Variants in RBM19 observed in about 807,000 individuals in gnomAD.
The protein encoded by RBM19 is RNA binding motif protein 19.
In RBM19, 94 loss-of-function variants were observed where a neutral mutation model predicts 116.8. The ratio of observed to expected loss-of-function variants is 0.80; its 90% CI spans 0.68 to 0.95. The LOEUF (loss-of-function observed/expected upper bound fraction) is 0.95. Among genes scored for constraint, RBM19 ranks in the 40% least tolerant of loss-of-function variants. The pLI is 0.00. For missense variants in RBM19, 1,161 were observed against 1,220.7 expected, an observed-to-expected ratio of 0.95 and a Z score of 0.73; for synonymous variants, 475 against 494.1, an observed-to-expected ratio of 0.96 and a Z score of 0.51.
intron 21 of RBM19, among the ~76,000 whole-genome samples, chr12:113,893,602 C>T (rs753058816): frequency 6.6e-6 from 1 of 152,146 alleles, no homozygotes; most frequent in Non-Finnish European, 1.5e-5. Flanking sequence ...CATAAGCAAC[C>T]CACCATTGAA....
intron 20 of RBM19, among the ~76,000 whole-genome samples, chr12:113,915,331 C>T (rs551937453): frequency 1.3e-4 from 20 of 152,232 alleles, no homozygotes; most frequent in South Asian, 4.2e-4. Context: ...TGAGAGACTC[C>T]GGGGCCACCA....
Position 113,823,245 on chromosome 12 carries a change from C to CTCGCTG in RBM19, c.2856_2861dup (p.Asp952_Ser953dup). The CTCGCTG allele has an allele frequency of 6.2e-7, 1 of 1,611,864 alleles. No homozygotes were observed. The highest frequency in any genetic ancestry group is 8.5e-7 in the Non-Finnish European group (1 of 1,180,020). On this transcript the variant is annotated inframe_insertion, in exon 24 of 24. Transcript: ENST00000261741. The stretch of plus-strand genomic sequence containing the variant: ...CAGCTCACAGCTGAAGGGTCTGCTC[C>CTCGCTG]TCGCTGTCGCTGTCACTGCCTTCCA...
chr12:113,860,733 C>T (rs945194115), intron 21 of RBM19, among the ~76,000 whole-genome samples: 9 of 152,138 alleles, frequency 5.9e-5, no homozygotes, highest in East Asian at 1.9e-4. Context: ...ACAGTGTCAC[C>T]GCTCACTGTG....
chr12:113,830,851 A>G (rs1593454807), intron 23 of RBM19, among the ~76,000 whole-genome samples: 1 of 152,290 alleles, frequency 6.6e-6, no homozygotes, highest in East Asian at 1.9e-4. Context: ...CCTGGGTTGG[A>G]AAGCAGAGGC....
chr12:113,857,770 A>G (rs1569072), intron 22 of RBM19, among the ~76,000 whole-genome samples: 98,512 of 152,206 alleles, frequency 0.65, 32,340 homozygotes, highest in East Asian at 0.97. Context: ...CACAAAGGCC[A>G]CAGCTGTGTC....
intron 21 of RBM19, among the ~76,000 whole-genome samples, chr12:113,902,979 G>A (rs914762964): frequency 1.3e-5 from 2 of 152,164 alleles, no homozygotes; most frequent in African/African-American, 4.8e-5. Flanking sequence ...ACAGAGCTGT[G>A]CAACCCTTGC....
downstream of RBM19, among the ~76,000 whole-genome samples, chr12:113,820,618 C>T (rs2135670459): frequency 6.6e-6 from 1 of 152,242 alleles, no homozygotes; most frequent in East Asian, 1.9e-4. Flanking sequence ...TGCACGAGGA[C>T]AGCTGAGCCG....
chr12:113,879,431 T>TATATATATA (rs1879928070), intron 21 of RBM19, among the ~76,000 whole-genome samples: 3 of 132,660 alleles, frequency 2.3e-5, no homozygotes, highest in Non-Finnish European at 3.2e-5. Flanking sequence ...TACATACATT[T>TATATATATA]TATATATATA....
chr12:113,937,042 T>A lies in RBM19; in HGVS notation c.2033A>T (p.Glu678Val), dbSNP rs777572670. 1 of 1,614,158 alleles carries A rather than the reference T, an allele frequency of 6.2e-7. No individual in the cohort carries two copies. The highest frequency in any genetic ancestry group is 1.1e-5 in the South Asian group (1 of 91,086). The change falls in exon 16 of 24, where the codon GAA (glutamate) becomes GTA (valine). Residue 678 changes from glutamate (E) to valine (V), a missense_variant. Glu to Val is a moderately radical substitution (Grantham distance 121). Transcript: ENST00000261741. ...CTCTGCTGGGTCCTTTTCCATGGGT[T>A]CTGAAGGTGTGTCTTGGAGCTTTTT... ...QKKKLQDTPS[E>V]PMEKDPAEPE...
intron 21 of RBM19, among the ~76,000 whole-genome samples, chr12:113,886,679 C>CTTTTGT (rs10622695): frequency 0.24 from 36,850 of 151,458 alleles, 4,532 homozygotes; most frequent in Admixed American, 0.34. Flanking sequence ...TTTGTTTTTG[C>CTTTTGT]TTTTGTTTTT....
At chr12:113,850,825 C>T (rs1033362016) in intron 22 of RBM19, among the ~76,000 whole-genome samples, 5 of 152,228 alleles carry the variant, frequency 3.3e-5, no homozygotes, top group South Asian at 2.1e-4. Flanking sequence ...TCTCAGCAGA[C>T]GATAAATCTG....
intron 19 of RBM19, among the ~76,000 whole-genome samples, chr12:113,919,308 A>T (rs1882966885): frequency 6.6e-6 from 1 of 152,240 alleles, no homozygotes; most frequent in African/African-American, 2.4e-5. Flanking sequence ...ATGGTGGCTC[A>T]CGCCTGTAAT....
chr12:113,899,798 CCTG>C (rs1403147287), intron 21 of RBM19, among the ~76,000 whole-genome samples: 1 of 148,688 alleles, frequency 6.7e-6, no homozygotes, highest in Non-Finnish European at 1.5e-5. Context: ...TCTGGGGCTC[CCTG>C]CTGCCTTTCA....
At chr12:113,843,619 G>A (rs1235741577) in intron 23 of RBM19, among the ~76,000 whole-genome samples, 1 of 152,218 alleles carries the variant, frequency 6.6e-6, no homozygotes, top group African/African-American at 2.4e-5. Context: ...AGGCCACAGT[G>A]GAAGCACTTC....
At chr12:113,844,851 T>C (rs1249072067) in intron 22 of RBM19, 63 bp from the exon 23 acceptor site, 20 of 1,499,492 alleles carry the variant, frequency 1.3e-5, no homozygotes, top group Non-Finnish European at 1.7e-5. Context: ...CACTCCACTC[T>C]GCCTGCCAGC....
intron 22 of RBM19, among the ~76,000 whole-genome samples, chr12:113,858,055 C>G (rs1422248686): frequency 6.6e-6 from 1 of 152,238 alleles, no homozygotes; most frequent in East Asian, 1.9e-4. Flanking sequence ...CAGCCACATT[C>G]CTTCTGGATT....
rs141037729 is a variant in RBM19 at position 113,917,834 on chromosome 12, A to G, written c.2441+558T>C. 1.1e-4 allele frequency among the ~76,000 whole-genome samples: 17 copies of G among 152,362 alleles called. No individual in the cohort carries two copies. The East Asian group carries it at 3.3e-3, about 29-fold the overall frequency. ...CATTTAGATATACAAGCAGGTAGAA[A>G]TGGAGGTGCAAAGATAAATCTCCAA... On this transcript the variant is annotated intron_variant, in intron 20 of 23. Transcript: ENST00000261741.
chr12:113,962,163 G>A, intron 2 of RBM19, 69 bp downstream of exon 2: 1 of 1,558,698 alleles, frequency 6.4e-7, no homozygotes, highest in Non-Finnish European at 8.8e-7. Flanking sequence ...TTGAACTCAA[G>A]TGCTGAGTGA....
chr12:113,855,230 C>T (rs1877799493), intron 22 of RBM19, among the ~76,000 whole-genome samples: 1 of 152,192 alleles, frequency 6.6e-6, no homozygotes, highest in East Asian at 1.9e-4. Context: ...CTCTTCTATC[C>T]TCTGTCAGCA....
Sources: gnomAD v4.1 joint callset for allele counts (sites outside exome capture counted in the v4.1 genomes callset) on GRCh38, gnomAD v4.1.1 for gene constraint, MANE v1.5 for transcripts, NCBI Gene and HGNC (gene_info 2026-07-23, HGNC 2026-07-21) for gene names.